EIF2AK3: variants seen among roughly 807,000 people sequenced by gnomAD.
EIF2AK3 encodes the protein eukaryotic translation initiation factor 2 alpha kinase 3.
In EIF2AK3, 50 loss-of-function variants were observed where a neutral mutation model predicts 113.5. That is an observed-to-expected ratio of 0.44 (90% confidence interval 0.35 to 0.56). The LOEUF is 0.56. EIF2AK3 is among the 20% of genes least tolerant of loss of function. EIF2AK3 has a pLI of 0.00. For synonymous variants in EIF2AK3, 448 were observed against 495.4 expected, an observed-to-expected ratio of 0.90 and a Z score of 1.27; for missense variants, 1,185 against 1,378.0, an observed-to-expected ratio of 0.86 and a Z score of 2.22.
rs1213062933 is a variant in EIF2AK3 at position 88,593,415 on chromosome 2, CA to C, written c.634-11del. ...AACAGATATACCTCACCTGAAAAGA[CA>C]AAATTAGATACAAAATTAGTAAAAG... On this transcript the variant is annotated splice_polypyrimidine_tract_variant and intron_variant, in intron 3 of 16. Transcript: ENST00000303236. 1.9e-6 allele frequency: 3 copies of C among 1,613,422 alleles called. No individual in the cohort carries two copies. In the East Asian group the frequency reaches 6.7e-5, roughly 36 times the overall value.
intron 9 of EIF2AK3, among the ~76,000 whole-genome samples, chr2:88,584,785 C>T (rs528141769): frequency 1.8e-4 from 28 of 151,908 alleles, no homozygotes; most frequent in African/African-American, 6.3e-4. Flanking sequence ...GGTTCCAAGG[C>T]GAGGTTAGAG....
Position 88,585,865 on chromosome 2 carries a change from C to G in EIF2AK3, c.1626G>C (p.Arg542Ser). 1 of 1,613,878 alleles carries G rather than the reference C, an allele frequency of 6.2e-7. No homozygotes were observed. The highest frequency in any genetic ancestry group is 2.2e-5 in the East Asian group (1 of 44,852). Residue 542 changes from arginine (R) to serine (S), a missense_variant, in exon 9 of 17, where the codon AGG becomes AGC. Coordinates refer to ENST00000303236, the MANE Select transcript of EIF2AK3 (RefSeq NM_004836.7). ...CIIATTFIVRRLFHPHPHRQR... is the reference protein window; with the variant it reads ...CIIATTFIVRSLFHPHPHRQR... ...CCCTGTGAGGATGAGGATGGAAAAG[C>G]CTGCGCACAATAAACGTTGTTGCTA...
In EIF2AK3 at chr2:88,595,971, AAG is replaced by A. The variant is rs200178507; in HGVS notation, c.439-310_439-309del. On this transcript the variant is annotated intron_variant, in intron 2 of 16. Coordinates refer to ENST00000303236, the MANE Select transcript of EIF2AK3 (RefSeq NM_004836.7). ...CCCATAATGGTAGGTGAGTTACCAAAAGAGAGTTTTATGATCAAGTGAGTTCA... is the reference window on the plus strand; with the variant it reads ...CCCATAATGGTAGGTGAGTTACCAAAAGAGTTTTATGATCAAGTGAGTTCA... 2.3e-4 allele frequency: 97 copies of A among 417,226 alleles called. No individual in the cohort carries two copies. The East Asian group carries it at 4.6e-3, about 20-fold the overall frequency. The allele number at this position is 417,226 out of a possible 1,614,324, so 25.8% of individuals were successfully genotyped here. A position where few individuals can be genotyped will look rare whatever the true frequency, so the allele number is the denominator to read the frequency against.
chr2:88,557,085 C>G lies in EIF2AK3; in HGVS notation c.*651G>C, dbSNP rs1486249633. 1.3e-5 allele frequency: 2 copies of G among 152,580 alleles called. No individual in the cohort carries two copies. The highest frequency in any genetic ancestry group is 4.8e-5 in the African/African-American group (2 of 41,420). 9.5% of individuals were successfully genotyped at this position (152,580 alleles called of 1,614,324 possible). A position where few individuals can be genotyped will look rare whatever the true frequency, so the allele number is the denominator to read the frequency against. ...TCCTCCCAAAACTAGACCTTTCAAC[C>G]AATTTACATAAAAAGCTTCATTTTC... is the stretch of plus-strand genomic sequence containing the variant. On this transcript the variant is annotated 3_prime_UTR_variant, in exon 17 of 17. Transcript: ENST00000303236.
intron 12 of EIF2AK3, 28 bp from the exon 13 acceptor site, chr2:88,575,474 AAG>A: frequency 1.9e-6 from 3 of 1,600,204 alleles, no homozygotes; most frequent in Non-Finnish European, 2.5e-6. Context: ...ACAAAGGGGT[AAG>A]AGTGAATATA....
At position 88,590,974 on chromosome 2, in the gene EIF2AK3, G is replaced by A; in HGVS notation, c.846C>T (p.Thr282=). Residue 282 remains threonine (T), a synonymous_variant, in exon 5 of 17, where the codon ACC becomes ACT. Coordinates refer to ENST00000303236, the MANE Select transcript of EIF2AK3 (RefSeq NM_004836.7). ...CTTCTGTGTTCTCATTGGGCTTAAA[G>A]GTGCTTTCAATAAATCCGGCTCTCG... is the stretch of plus-strand genomic sequence containing the variant. ...METRAGFIES[T]FKPNENTEES... 1.2e-6 allele frequency: 2 copies of A among 1,614,056 alleles called. No individual in the cohort carries two copies. Among genetic ancestry groups the A allele is most frequent in the Non-Finnish European group, 1.7e-6 (2 of 1,179,984 alleles).
At chr2:88,562,428 A>G (rs1411655828) in intron 14 of EIF2AK3, 38 bp from the exon 15 acceptor site, 10 of 1,524,930 alleles carry the variant, frequency 6.6e-6, no homozygotes, top group Non-Finnish European at 9.1e-6. Context: ...AAATTAACAC[A>G]GAGACAGTAC....
In EIF2AK3 at chr2:88,557,784, T is replaced by G; in HGVS notation, c.3303A>C (p.Lys1101Asn). 1 of 1,614,146 alleles carries G rather than the reference T, an allele frequency of 6.2e-7. No homozygotes were observed. Among genetic ancestry groups the G allele is most frequent in the South Asian group, 1.1e-5 (1 of 91,084 alleles). The part of the protein sequence containing the change: ...RSRSLSSSGT[K>N]HSRQSNNSHS... The stretch of plus-strand genomic sequence containing the variant: ...GGGAGTTGTTGGACTGTCTTGAATG[T>G]TTTGTTCCCGATGAACTCAAGGAGC... Residue 1101 changes from lysine (K) to asparagine (N), a missense_variant, in exon 17 of 17, where the codon AAA becomes AAC. Physicochemically the swap from Lys to Asn is moderately conservative, Grantham distance 94. Coordinates refer to ENST00000303236, the MANE Select transcript of EIF2AK3 (RefSeq NM_004836.7).
chr2:88,625,324 CACAG>C (rs1377049196), intron 1 of EIF2AK3, among the ~76,000 whole-genome samples: 12 of 142,886 alleles, frequency 8.4e-5, no homozygotes, highest in African/African-American at 1.0e-4. Flanking sequence ...CACACACACA[CACAG>C]ACATACACAG....
rs1452006499 is a variant in EIF2AK3, at chr2:88,574,766, A to G, written c.2717T>C (p.Ile906Thr). Residue 906 changes from isoleucine (I) to threonine (T), a missense_variant, in exon 13 of 17, where the codon ATA becomes ACA. By Grantham distance (89) the Ile-to-Thr change is moderately conservative. Transcript: ENST00000303236. Reference sequence around the variant, plus strand: ...ACACACGCTCCTCTCTCTCTCCTCTATGGTACATCGTCCATTCATCCAGTC... The same window carrying G: ...ACACACGCTCCTCTCTCTCTCCTCTGTGGTACATCGTCCATTCATCCAGTC... ...LKDWMNGRCT[I>T]EERERSVCLH... is the part of the protein sequence containing the mutation. The G allele has an allele frequency of 1.9e-6, 3 of 1,614,138 alleles. No homozygotes were observed. The highest frequency in any genetic ancestry group is 2.5e-6 in the Non-Finnish European group (3 of 1,180,026).
intron 14 of EIF2AK3, among the ~76,000 whole-genome samples, chr2:88,569,542 T>C (rs1208182676): frequency 2.6e-5 from 4 of 152,158 alleles, no homozygotes; most frequent in South Asian, 4.1e-4. Context: ...TCTGGTGAGA[T>C]TGGTGGTTGT....
At chr2:88,567,314 A>G (rs1331698652) in intron 14 of EIF2AK3, among the ~76,000 whole-genome samples, 2 of 152,044 alleles carry the variant, frequency 1.3e-5, no homozygotes, top group African/African-American at 4.8e-5. Flanking sequence ...TGGCTTTAGC[A>G]TCACTTGTAT....
At position 88,586,009 on chromosome 2, in the gene EIF2AK3, T is replaced by C. The variant is rs912201439; in HGVS notation, c.1482A>G (p.Thr494=). ...TGTCGAGGAATCTGACTGTAATCTG[T>C]GTGCTTCGTTTGTTCCTCTCCCTCT... is the stretch of plus-strand genomic sequence containing the variant. ...YYKRERNKRS[T]QITVRFLDNP... is the part of the protein sequence containing the mutation. The change falls in exon 9 of 17, where the codon ACA becomes ACG. Residue 494 remains threonine (T), a synonymous_variant. Transcript: ENST00000303236. 2.5e-6 allele frequency: 4 copies of C among 1,614,166 alleles called. No individual in the cohort carries two copies. Among genetic ancestry groups the C allele is most frequent in the Middle Eastern group, 1.6e-4 (1 of 6,062 alleles).
chr2:88,622,015 G>A (rs1321268016), intron 1 of EIF2AK3, among the ~76,000 whole-genome samples: 1 of 150,598 alleles, frequency 6.6e-6, no homozygotes, highest in Non-Finnish European at 1.5e-5. Flanking sequence ...TCCTGCCTCA[G>A]CCTCCTGAGT....
chr2:88,593,160 A>G, intron 4 of EIF2AK3, 112 bp downstream of exon 4: 2 of 1,270,898 alleles, frequency 1.6e-6, no homozygotes, highest in Non-Finnish European at 2.2e-6. Flanking sequence ...ATATATATAT[A>G]TGCTTTTAAG....
chr2:88,606,307 AT>A (rs772917821), intron 2 of EIF2AK3, among the ~76,000 whole-genome samples: 75 of 145,418 alleles, frequency 5.2e-4, no homozygotes, highest in Admixed American at 7.4e-4. Context: ...TCCTAAAAAA[AT>A]AAAATAAAAA....
At chr2:88,579,152 G>A (rs1270614965) in intron 11 of EIF2AK3, among the ~76,000 whole-genome samples, 1 of 152,124 alleles carries the variant, frequency 6.6e-6, no homozygotes, top group Non-Finnish European at 1.5e-5. Context: ...AGTGTTAATA[G>A]TTATTACCAG....
chr2:88,612,631 T>C (rs935212807), intron 2 of EIF2AK3, among the ~76,000 whole-genome samples: 9 of 152,314 alleles, frequency 5.9e-5, no homozygotes, highest in African/African-American at 1.9e-4. Context: ...AATATCAGTT[T>C]GGGTGCACCA....
At chr2:88,568,892 CAGAG>C (rs1002284476) in intron 14 of EIF2AK3, among the ~76,000 whole-genome samples, 3 of 152,024 alleles carry the variant, frequency 2.0e-5, no homozygotes, top group African/African-American at 4.8e-5. Flanking sequence ...GGATACTTGA[CAGAG>C]AGTTTTTTTT....
Sources: gnomAD v4.1 joint callset for allele counts (sites outside exome capture counted in the v4.1 genomes callset) on GRCh38, gnomAD v4.1.1 for gene constraint, MANE v1.5 for transcripts, NCBI Gene and HGNC (gene_info 2026-07-23, HGNC 2026-07-21) for gene names.